Variants in NLRP14 observed in about 807,000 individuals in gnomAD.
NLRP14 encodes the protein NACHT, LRR and PYD domains-containing protein 14.
Under a neutral mutation model 94.7 loss-of-function variants are expected in NLRP14, and 105 were observed. The observed-to-expected ratio is 1.11, with a 90% CI of 0.95 to 1.30. The LOEUF (loss-of-function observed/expected upper bound fraction) is 1.30. Ranked by LOEUF, NLRP14 falls within the 50% of genes most tolerant of loss-of-function variation. The pLI is 0.00. For missense variants in NLRP14, 1,362 were observed against 1,254.1 expected (o/e 1.09, Z -1.30); for synonymous variants, 508 against 459.9 (o/e 1.10, Z -1.34).
intron 10 of NLRP14, among the ~76,000 whole-genome samples, chr11:7,068,255 C>T (rs558054030): frequency 1.3e-5 from 2 of 152,142 alleles, no homozygotes; most frequent in Admixed American, 6.5e-5. Flanking sequence ...TCTTCTTGTA[C>T]TTTTGTTGGG....
At chr11:7,078,462 A>AAAAAAAAAAAAAAAAAAAAAG in the NLRP14 span, among the ~76,000 whole-genome samples, 2 of 88,486 alleles carry the variant, frequency 2.3e-5, no homozygotes, top group African/African-American at 8.5e-5. Context: ...AAAAAAAAAA[A>AAAAAAAAAAAAAAAAAAAAAG]CAAAAAAATT....
rs144386534 is a variant in NLRP14 at position 7,043,788 on chromosome 11, G to C, written c.1762G>C (p.Glu588Gln). Reference sequence around the variant, plus strand: ...TCTGGAGTTGTTTCACTGTCTGTATGAGACTCAAGATAAAGCGTTTATAAG... The same window carrying C: ...TCTGGAGTTGTTTCACTGTCTGTATCAGACTCAAGATAAAGCGTTTATAAG... ...GFLELFHCLY[E>Q]TQDKAFISQA... Residue 588 changes from glutamate to glutamine, a missense_variant, in exon 4 of 12, where the codon GAG (glutamate) becomes CAG (glutamine). By Grantham distance (29) the Glu-to-Gln change is conservative. Transcript: ENST00000299481. The C allele has an allele frequency of 3.1e-6, 5 of 1,613,996 alleles. No homozygotes were observed. The highest frequency in any genetic ancestry group is 4.2e-6 in the Non-Finnish European group (5 of 1,179,978).
intron 7 of NLRP14, 141 bp downstream of exon 7, chr11:7,057,988 CCTTCT>C: frequency 2.7e-6 from 2 of 748,618 alleles, no homozygotes; most frequent in Non-Finnish European, 4.8e-6. Flanking sequence ...CATGCATCCC[CCTTCT>C]CTTCCTCTAC....
chr11:7,080,850 G>A, the NLRP14 span, among the ~76,000 whole-genome samples: 9 of 152,350 alleles, frequency 5.9e-5, no homozygotes, highest in East Asian at 7.7e-4. Context: ...GCTCCTGGCC[G>A]ATTGTGGTCA....
At chr11:7,063,331 ATT>A (rs1164356427) in intron 10 of NLRP14, among the ~76,000 whole-genome samples, 15 of 152,102 alleles carry the variant, frequency 9.9e-5, no homozygotes, top group Non-Finnish European at 1.9e-4. Context: ...GAGCATGAGT[ATT>A]AGCATGTTTG....
Position 7,043,597 on chromosome 11 carries a change from A to G in NLRP14, c.1571A>G (p.His524Arg), listed in dbSNP as rs1243414168. The part of the protein sequence containing the change: ...LLQSTSYKDP[H>R]LTQMKCFLFG... ...CAAAGCACAAGTTATAAAGACCCCC[A>G]TTTGACACAGATGAAGTGCTTTTTG... The change falls in exon 4 of 12, where the codon CAT (histidine) becomes CGT (arginine). Residue 524 changes from histidine (H) to arginine (R), a missense_variant. Transcript: ENST00000299481. 14 of 1,614,064 alleles carry G rather than the reference A, an allele frequency of 8.7e-6. No homozygotes were observed. Among genetic ancestry groups the G allele is most frequent in the Non-Finnish European group, 1.1e-5 (13 of 1,180,024 alleles).
chr11:7,072,192 C>T (rs903844944), downstream of NLRP14, among the ~76,000 whole-genome samples: 46 of 152,214 alleles, frequency 3.0e-4, no homozygotes, highest in African/African-American at 1.1e-3. Flanking sequence ...TTCTTATACT[C>T]CACATGGTAT....
At position 7,058,813 on chromosome 11, in the gene NLRP14, T is replaced by C. The variant is rs1852563643; in HGVS notation, c.2633+363T>C. On this transcript the variant is annotated intron_variant, in intron 8 of 11. Transcript: ENST00000299481. The stretch of plus-strand genomic sequence containing the variant: ...CTACCACCTATCCTAGTCTATGATC[T>C]GAGCTCAGAACAGAAATATAGCACT... Among the ~76,000 whole-genome samples, 5 of 151,998 alleles carry C rather than the reference T, an allele frequency of 3.3e-5. No homozygotes were observed. In the South Asian group the frequency reaches 1.0e-3, roughly 31 times the overall value.
Position 7,070,623 on chromosome 11 carries a change from A to G in NLRP14, c.3146+167A>G, listed in dbSNP as rs1003265930. Reference sequence around the variant, plus strand: ...AACACTGAATATTGAGAGATACAATATAGCATAGTGGTTAAATATTGAGCA... The same window carrying G: ...AACACTGAATATTGAGAGATACAATGTAGCATAGTGGTTAAATATTGAGCA... On this transcript the variant is annotated intron_variant, in intron 11 of 11. Transcript: ENST00000299481. Among the ~76,000 whole-genome samples the G allele has an allele frequency of 1.3e-5, 2 of 152,196 alleles. 1 individual carries two copies. The highest frequency in any genetic ancestry group is 4.1e-4 in the South Asian group (2 of 4,824).
intron 10 of NLRP14, 33 bp downstream of exon 10, chr11:7,062,536 G>A (rs1266611272): frequency 6.3e-7 from 1 of 1,587,846 alleles, no homozygotes; most frequent in Admixed American, 1.7e-5. Context: ...GGAAAATGAT[G>A]CCTATTTGGT....
At chr11:7,090,622 A>G in the NLRP14 span, 1 of 399,150 alleles carries the variant, frequency 2.5e-6, no homozygotes, top group Non-Finnish European at 4.9e-6. Flanking sequence ...AAATGAGGCA[A>G]ACAGTTCTAA....
chr11:7,026,550 T>C (rs1380868215), intron 1 of NLRP14, among the ~76,000 whole-genome samples: 3 of 151,856 alleles, frequency 2.0e-5, no homozygotes, highest in Admixed American at 2.0e-4. Flanking sequence ...ACTTTTACAC[T>C]GTTGGTGGGA....
the NLRP14 span, among the ~76,000 whole-genome samples, chr11:7,080,892 T>C: frequency 1.3e-5 from 2 of 152,086 alleles, no homozygotes; most frequent in Non-Finnish European, 2.9e-5. Flanking sequence ...TAAAAGTATA[T>C]ATTGGTTTTA....
At position 7,058,559 on chromosome 11, in the gene NLRP14, C is replaced by T. The variant is rs532299438; in HGVS notation, c.2633+109C>T. 6.2e-6 allele frequency: 5 copies of T among 811,278 alleles called. No homozygotes were observed. The East Asian group carries it at 8.1e-5, about 13-fold the overall frequency. 50.3% of individuals were successfully genotyped at this position (811,278 alleles called of 1,614,324 possible). ...CTGTCCCTTGCTTTTTCCCTGTTACCCTTAATGAAGAAGGTGAAAGTGATA... is the reference window on the plus strand; with the variant it reads ...CTGTCCCTTGCTTTTTCCCTGTTACTCTTAATGAAGAAGGTGAAAGTGATA... On this transcript the variant is annotated intron_variant, in intron 8 of 11. Transcript: ENST00000299481.
chr11:7,049,880 G>A (rs759192374), intron 6 of NLRP14, 42 bp downstream of exon 6: 1 of 1,548,848 alleles, frequency 6.5e-7, no homozygotes, highest in Non-Finnish European at 8.9e-7. Context: ...TTTTATAATT[G>A]AGGCTTTTGT....
chr11:7,061,425 G>A (rs1480910868), intron 9 of NLRP14, among the ~76,000 whole-genome samples: 7 of 151,970 alleles, frequency 4.6e-5, no homozygotes, highest in East Asian at 1.9e-4. Context: ...TCTGTCCTTA[G>A]CATTGCTGTA....
chr11:7,059,042 A>G (rs1012882356), intron 8 of NLRP14, among the ~76,000 whole-genome samples: 2 of 151,882 alleles, frequency 1.3e-5, no homozygotes, highest in African/African-American at 4.8e-5. Context: ...TTTGATCTGT[A>G]TTAATTAAAT....
At chr11:7,020,897 G>C (rs1021386729) in intron 1 of NLRP14, 127 bp downstream of exon 1, 1 of 152,308 alleles carries the variant, frequency 6.6e-6, no homozygotes, top group Non-Finnish European at 1.5e-5. Flanking sequence ...AGGCAGAGAA[G>C]GGAAACGCAC....
At chr11:7,061,611 G>T (rs1295423239) in intron 9 of NLRP14, among the ~76,000 whole-genome samples, 1 of 151,996 alleles carries the variant, frequency 6.6e-6, no homozygotes, top group South Asian at 2.1e-4. Context: ...TAAATATAAA[G>T]CAAATTACAA....
Sources: gnomAD v4.1 joint callset for allele counts (sites outside exome capture counted in the v4.1 genomes callset) on GRCh38, gnomAD v4.1.1 for gene constraint, MANE v1.5 for transcripts, NCBI Gene and HGNC (gene_info 2026-07-23, HGNC 2026-07-21) for gene names.